The following KANSL1L variants were observed in gnomAD, a reference collection of about 807,000 sequenced individuals.
KANSL1L encodes the protein KAT8 regulatory NSL complex subunit 1-like protein.
A neutral mutation model predicts 108.6 loss-of-function variants in KANSL1L; 25 were observed. That is an observed-to-expected ratio of 0.23 (90% CI 0.17 to 0.32). The LOEUF is 0.32. Among genes scored for constraint, KANSL1L ranks in the 10% least tolerant of loss-of-function variants. The pLI, the probability that KANSL1L is intolerant of heterozygous loss-of-function variation, is 1.00. For synonymous variants in KANSL1L, 405 were observed against 395.1 expected (o/e 1.03, Z -0.30); for missense variants, 1,137 against 1,125.7 (o/e 1.01, Z -0.14).
intron 1 of KANSL1L, among the ~76,000 whole-genome samples, chr2:210,165,108 G>C (rs1163443995): frequency 6.6e-6 from 1 of 150,526 alleles, no homozygotes; most frequent in African/African-American, 2.4e-5. Context: ...CTCGTGATCT[G>C]CCCACCAAAG....
intron 6 of KANSL1L, among the ~76,000 whole-genome samples, chr2:210,047,659 A>G (rs1450735149): frequency 6.6e-6 from 1 of 152,132 alleles, no homozygotes; most frequent in African/African-American, 2.4e-5. Context: ...AGTTTTTCCC[A>G]TCTAAATCCA....
chr2:210,063,150 G>A (rs1405821299), intron 6 of KANSL1L, among the ~76,000 whole-genome samples: 1 of 152,234 alleles, frequency 6.6e-6, no homozygotes, highest in East Asian at 1.9e-4. Context: ...TCAGGCTGTG[G>A]CTTCAGAGGG....
At chr2:210,156,930 T>C (rs1053742789) in intron 1 of KANSL1L, among the ~76,000 whole-genome samples, 1 of 151,194 alleles carries the variant, frequency 6.6e-6, no homozygotes, top group African/African-American at 2.4e-5. Flanking sequence ...TCAAAATTTA[T>C]ACACTTTTAT....
At chr2:210,146,353 G>A (rs2095265848) in intron 2 of KANSL1L, among the ~76,000 whole-genome samples, 1 of 152,156 alleles carries the variant, frequency 6.6e-6, no homozygotes, top group Admixed American at 6.6e-5. Context: ...GTGAAGACTG[G>A]TATCTCCTAC....
chr2:210,097,443 AATG>A, intron 5 of KANSL1L: 1 of 304,284 alleles, frequency 3.3e-6, no homozygotes, highest in Middle Eastern at 1.7e-3. Flanking sequence ...GCACACATAA[AATG>A]ATATTCTATT....
At chr2:210,084,699 C>T (rs1349856363) in intron 5 of KANSL1L, among the ~76,000 whole-genome samples, 7 of 151,984 alleles carry the variant, frequency 4.6e-5, no homozygotes, top group African/African-American at 7.3e-5. Flanking sequence ...CTGCAACCTC[C>T]GGCTCCCAGG....
chr2:210,085,284 CTGTT>C (rs1174446505), intron 5 of KANSL1L, among the ~76,000 whole-genome samples: 4 of 152,128 alleles, frequency 2.6e-5, no homozygotes, highest in African/African-American at 9.7e-5. Context: ...ATTTTGAAAA[CTGTT>C]AAAGCTGAGA....
chr2:210,155,765 T>C (rs16844165), intron 1 of KANSL1L, among the ~76,000 whole-genome samples: 2,292 of 152,340 alleles, frequency 0.015, 66 homozygotes, highest in African/African-American at 0.053. Context: ...CATTAACAAT[T>C]ATAAGCTTTT....
At chr2:210,111,018 G>A (rs1008179137) in intron 3 of KANSL1L, among the ~76,000 whole-genome samples, 1 of 151,974 alleles carries the variant, frequency 6.6e-6, no homozygotes, top group Non-Finnish European at 1.5e-5. Flanking sequence ...AAGCTGAGGC[G>A]GGAGGATCGC....
chr2:210,098,766 T>C (rs2094763622), intron 4 of KANSL1L, among the ~76,000 whole-genome samples: 1 of 152,082 alleles, frequency 6.6e-6, no homozygotes, highest in Admixed American at 6.6e-5. Context: ...AATTCAGGCC[T>C]AAATCTAACA....
intron 2 of KANSL1L, among the ~76,000 whole-genome samples, chr2:210,130,852 T>G (rs1225484848): frequency 6.6e-6 from 1 of 152,032 alleles, no homozygotes; most frequent in Non-Finnish European, 1.5e-5. Flanking sequence ...CAATTTTTTT[T>G]TTTTTTTCAA....
chr2:210,139,813 C>T lies in KANSL1L; in HGVS notation c.1089-10641G>A, dbSNP rs1011230536. Among the ~76,000 whole-genome samples the T allele has an allele frequency of 3.3e-5, 5 of 150,368 alleles. No individual in the cohort carries two copies. In the East Asian group the frequency reaches 9.9e-4, roughly 30 times the overall value. Reference sequence around the variant, plus strand: ...CTGGAGTGCAGAGGCGCAATCTTGGCTCACTGCAACCTCAACCTCCTGGGC... The same window carrying T: ...CTGGAGTGCAGAGGCGCAATCTTGGTTCACTGCAACCTCAACCTCCTGGGC... On this transcript the variant is annotated intron_variant, in intron 2 of 14. Coordinates refer to ENST00000281772, the MANE Select transcript of KANSL1L (RefSeq NM_152519.4).
chr2:210,120,387 G>A lies in KANSL1L; in HGVS notation c.1230+8644C>T, dbSNP rs10183204. ...AGCTTGGGTGACAGGGTGAGACTCC[G>A]TCTCCAAAGAAAAAAATAAAAATAA... On this transcript the variant is annotated intron_variant, in intron 3 of 14. Transcript: ENST00000281772. Among the ~76,000 whole-genome samples the A allele has an allele frequency of 7.2e-3, 1,101 of 152,150 alleles. 13 individuals carry two copies. The highest frequency in any genetic ancestry group is 0.025 in the African/African-American group (1,046 of 41,496).
chr2:210,143,511 T>C (rs1311235289), intron 2 of KANSL1L, among the ~76,000 whole-genome samples: 1 of 152,150 alleles, frequency 6.6e-6, no homozygotes, highest in Non-Finnish European at 1.5e-5. Context: ...GTTTTCGTTT[T>C]GTTTTTAATG....
intron 3 of KANSL1L, among the ~76,000 whole-genome samples, chr2:210,111,728 T>A (rs943861316): frequency 3.9e-5 from 6 of 152,094 alleles, no homozygotes; most frequent in Non-Finnish European, 7.3e-5. Flanking sequence ...TTAACTTTTT[T>A]TAAAAAATTT....
intron 3 of KANSL1L, among the ~76,000 whole-genome samples, chr2:210,124,232 T>C (rs1226969383): frequency 1.3e-5 from 2 of 152,128 alleles, no homozygotes; most frequent in African/African-American, 4.8e-5. Context: ...ATGGAGCATT[T>C]TCCCAGATGG....
intron 1 of KANSL1L, among the ~76,000 whole-genome samples, chr2:210,164,490 T>C (rs1424596474): frequency 6.6e-6 from 1 of 152,134 alleles, no homozygotes; most frequent in African/African-American, 2.4e-5. Context: ...ACTACTAAAA[T>C]ACTTTATTAT....
chr2:210,057,402 CA>C (rs924431210), intron 6 of KANSL1L, among the ~76,000 whole-genome samples: 3 of 151,842 alleles, frequency 2.0e-5, no homozygotes, highest in African/African-American at 7.3e-5. Flanking sequence ...GAGTCTTTCT[CA>C]AAAAAACAAA....
rs866356128 is a variant in KANSL1L at position 210,098,175 on chromosome 2, C to T, written c.1461G>A (p.Leu487=). 6.2e-7 allele frequency: 1 copy of T among 1,612,222 alleles called. No homozygotes were observed. Among genetic ancestry groups the T allele is most frequent in the African/African-American group, 1.3e-5 (1 of 74,796 alleles). Reference sequence around the variant, plus strand: ...TTGGGGACAAGTTGAGAGGGGCAATCAAACTGTTGATGATCTCAGTCAACT... The same window carrying T: ...TTGGGGACAAGTTGAGAGGGGCAATTAAACTGTTGATGATCTCAGTCAACT... ...SAQLTEIINS[L]IAPLNLSPTS... The change falls in exon 5 of 15, where the codon TTG becomes TTA. Residue 487 remains leucine, a synonymous_variant. Transcript: ENST00000281772.
Sources: gnomAD v4.1 joint callset for allele counts (sites outside exome capture counted in the v4.1 genomes callset) on GRCh38, gnomAD v4.1.1 for gene constraint, MANE v1.5 for transcripts, NCBI Gene and HGNC (gene_info 2026-07-23, HGNC 2026-07-21) for gene names.